Variants in MAPK10 observed in about 807,000 individuals in gnomAD.
MAPK10 encodes mitogen-activated protein kinase 10.
Under a neutral mutation model 59.3 loss-of-function variants are expected in MAPK10, and 25 were observed. The observed-to-expected ratio is 0.42, with a 90% confidence interval of 0.31 to 0.59. The LOEUF is 0.59. Among genes scored for constraint, MAPK10 ranks in the 20% least tolerant of loss-of-function variants. The pLI is 0.15. For missense variants in MAPK10, 351 were observed against 568.9 expected, an observed-to-expected ratio of 0.62 and a Z score of 3.90; for synonymous variants, 190 against 200.5, an observed-to-expected ratio of 0.95 and a Z score of 0.44.
At chr4:86,147,667 G>A (rs954076033) in intron 4 of MAPK10, among the ~76,000 whole-genome samples, 2 of 152,016 alleles carry the variant, frequency 1.3e-5, no homozygotes, top group African/African-American at 4.8e-5. Flanking sequence ...TCCTCAGATT[G>A]TACTATTTAA....
chr4:86,149,644 C>A lies in MAPK10; in HGVS notation c.236+9654G>T, dbSNP rs76994498. 6.3e-4 allele frequency among the ~76,000 whole-genome samples: 96 copies of A among 152,330 alleles called. No homozygotes were observed. The East Asian group carries it at 0.014, about 23-fold the overall frequency. On this transcript the variant is annotated intron_variant, in intron 4 of 13. Coordinates refer to ENST00000641462, the MANE Select transcript of MAPK10 (RefSeq NM_138982.4). ...CCCTAATCAAACCAACCTCTGAGAA[C>A]CTGGCCATAAGCCAGGCCAGCTACA...
intron 1 of MAPK10, among the ~76,000 whole-genome samples, chr4:86,447,806 G>A (rs1750218031): frequency 6.6e-6 from 1 of 152,110 alleles, no homozygotes; most frequent in Admixed American, 6.5e-5. Context: ...ATATATGTGT[G>A]TATCTCTAGA....
chr4:86,567,791 A>G (rs1761163210), intron 1 of MAPK10, among the ~76,000 whole-genome samples: 2 of 152,240 alleles, frequency 1.3e-5, no homozygotes, highest in Non-Finnish European at 1.5e-5. Flanking sequence ...GTTTATGTCA[A>G]AGTGATTTAT....
intron 1 of MAPK10, among the ~76,000 whole-genome samples, chr4:86,510,522 T>A (rs1756141206): frequency 6.6e-6 from 1 of 152,034 alleles, no homozygotes; most frequent in Non-Finnish European, 1.5e-5. Flanking sequence ...TGAATATATC[T>A]ATATACATGT....
intron 2 of MAPK10, chr4:86,332,865 CTGTT>C (rs2096186594): frequency 6.6e-6 from 1 of 152,174 alleles, no homozygotes; most frequent in Admixed American, 6.5e-5. Flanking sequence ...AGTCACAAAT[CTGTT>C]TGTTTCTGGC....
At chr4:86,531,851 A>C (rs1757875426) in intron 1 of MAPK10, among the ~76,000 whole-genome samples, 1 of 152,032 alleles carries the variant, frequency 6.6e-6, no homozygotes, top group South Asian at 2.1e-4. Context: ...TGGTGACAGG[A>C]GCCACTCATC....
intron 3 of MAPK10, among the ~76,000 whole-genome samples, chr4:86,178,604 AG>A (rs1304757230): frequency 6.6e-6 from 1 of 151,936 alleles, no homozygotes; most frequent in Non-Finnish European, 1.5e-5. Context: ...AAAACCTTAA[AG>A]CTTTTCCTCT....
chr4:86,434,853 T>C, intron 1 of MAPK10, among the ~76,000 whole-genome samples: 1 of 152,224 alleles, frequency 6.6e-6, no homozygotes, highest in East Asian at 1.9e-4. Flanking sequence ...CCTACGATTA[T>C]TGCAGCACTA....
At chr4:86,368,483 A>G (rs1738257385) in intron 1 of MAPK10, among the ~76,000 whole-genome samples, 1 of 152,162 alleles carries the variant, frequency 6.6e-6, no homozygotes, top group Non-Finnish European at 1.5e-5. Flanking sequence ...CTTGCTCAGG[A>G]GTCAATTTTA....
chr4:86,142,749 G>C (rs1424790775), intron 4 of MAPK10, among the ~76,000 whole-genome samples: 1 of 152,158 alleles, frequency 6.6e-6, no homozygotes, highest in Non-Finnish European at 1.5e-5. Context: ...TCAGTTACCA[G>C]ATCCAGAAAT....
intron 2 of MAPK10, among the ~76,000 whole-genome samples, chr4:86,298,536 A>G (rs529089377): frequency 6.6e-6 from 1 of 152,292 alleles, no homozygotes; most frequent in Admixed American, 6.5e-5. Flanking sequence ...CAATGCCACA[A>G]GCACTTGAAC....
chr4:86,222,686 C>T (rs560671719), intron 2 of MAPK10, among the ~76,000 whole-genome samples: 1 of 152,358 alleles, frequency 6.6e-6, no homozygotes, highest in Admixed American at 6.5e-5. Context: ...AGGTGGAAAG[C>T]AATGTCCAGC....
intron 4 of MAPK10, among the ~76,000 whole-genome samples, chr4:86,146,496 T>C (rs184686620): frequency 6.6e-6 from 1 of 152,128 alleles, no homozygotes; most frequent in African/African-American, 2.4e-5. Context: ...CTCAACTAGA[T>C]GACATTTCCA....
intron 2 of MAPK10, among the ~76,000 whole-genome samples, chr4:86,271,144 TG>T (rs1442793236): frequency 2.0e-4 from 31 of 152,018 alleles, no homozygotes; most frequent in Non-Finnish European, 3.8e-4. Flanking sequence ...TGGCAGTATT[TG>T]AGAGCTCCAG....
At chr4:86,103,551 G>T (rs149073713) in intron 5 of MAPK10, among the ~76,000 whole-genome samples, 1 of 151,996 alleles carries the variant, frequency 6.6e-6, no homozygotes, top group African/African-American at 2.4e-5. Context: ...ATGGGCCTTC[G>T]GGGGATTAAA....
intron 1 of MAPK10, among the ~76,000 whole-genome samples, chr4:86,416,395 G>A (rs11943324): frequency 0.01 from 1,549 of 152,346 alleles, 25 homozygotes; most frequent in African/African-American, 0.034. Flanking sequence ...ACCCTCATGA[G>A]GTGTTGTCAA....
chr4:86,233,269 T>C (rs58678904), intron 2 of MAPK10, among the ~76,000 whole-genome samples: 4,517 of 152,138 alleles, frequency 0.03, 154 homozygotes, highest in African/African-American at 0.083. Context: ...CTAGTTTGGG[T>C]TACACAGAAA....
At chr4:86,175,295 T>G (rs2075422548) in intron 3 of MAPK10, among the ~76,000 whole-genome samples, 2 of 152,114 alleles carry the variant, frequency 1.3e-5, no homozygotes, top group African/African-American at 4.8e-5. Context: ...GAATTAGAGT[T>G]TTTCAAATGC....
chr4:86,228,380 A>G (rs750959126), intron 2 of MAPK10, among the ~76,000 whole-genome samples: 8 of 152,216 alleles, frequency 5.3e-5, no homozygotes, highest in Non-Finnish European at 8.8e-5. Context: ...AATCAAGGTC[A>G]CAGAAAAAAC....
Sources: allele counts gnomAD v4.1 joint callset (sites outside exome capture counted in the v4.1 genomes callset), GRCh38; gene constraint gnomAD v4.1.1; transcripts MANE v1.5; gene names NCBI Gene and HGNC (gene_info 2026-07-23, HGNC 2026-07-21).